Variants in EXOSC7 observed in about 807,000 individuals in gnomAD.
The protein encoded by EXOSC7 is exosome component 7, also known as exosome complex component RRP42.
A neutral mutation model predicts 34.3 loss-of-function variants in EXOSC7; 25 were observed. The observed-to-expected ratio is 0.73, with a 90% CI of 0.53 to 1.02. The LOEUF (loss-of-function observed/expected upper bound fraction) is 1.02, where lower values mean the gene tolerates loss of function less well. EXOSC7 is among the 50% of genes least tolerant of loss of function. The probability of loss-of-function intolerance (pLI) is 0.00; values close to 1 mark genes in which losing one functional copy is unlikely to be tolerated. For missense variants in EXOSC7, 370 were observed against 368.5 expected (o/e 1.00, Z -0.03); for synonymous variants, 130 against 143.0 (o/e 0.91, Z 0.65).
rs187746649 is a variant in EXOSC7 at position 44,976,688 on chromosome 3, G to T, written c.57+354G>T. 2.8e-4 allele frequency among the ~76,000 whole-genome samples: 43 copies of T among 152,362 alleles called. No individual in the cohort carries two copies. In the East Asian group the frequency reaches 7.3e-3, roughly 26 times the overall value. On this transcript the variant is annotated intron_variant, in intron 1 of 7. Transcript: ENST00000265564. ...CTCAGTTTTCTCTTCGAGGAAATGG[G>T]AGTTTGGAGGTGGGCTTCTGGCCTG... is the stretch of plus-strand genomic sequence containing the variant.
At chr3:45,007,328 G>A in intron 6 of EXOSC7, 92 bp from the exon 7 acceptor site, 1 of 1,346,734 alleles carries the variant, frequency 7.4e-7, no homozygotes, top group South Asian at 1.3e-5. Flanking sequence ...AAATACTTTT[G>A]CCTGGTGTAG....
At chr3:44,981,519 C>A (rs1274109260) in intron 1 of EXOSC7, among the ~76,000 whole-genome samples, 2 of 152,136 alleles carry the variant, frequency 1.3e-5, no homozygotes, top group Non-Finnish European at 2.9e-5. Flanking sequence ...ACCATCCACA[C>A]TAGATCCCCA....
chr3:45,010,775 G>A (rs1222053934), intron 7 of EXOSC7, among the ~76,000 whole-genome samples: 1 of 152,170 alleles, frequency 6.6e-6, no homozygotes, highest in African/African-American at 2.4e-5. Flanking sequence ...CTTCATGGGA[G>A]GTGAATGAGA....
chr3:44,986,428 G>A (rs964498792), intron 1 of EXOSC7, among the ~76,000 whole-genome samples: 43 of 152,256 alleles, frequency 2.8e-4, no homozygotes, highest in African/African-American at 6.5e-4. Context: ...CCCAGAACTC[G>A]CGCTGGCCCG....
At chr3:44,993,624 T>G (rs921717357) in intron 3 of EXOSC7, among the ~76,000 whole-genome samples, 2 of 152,090 alleles carry the variant, frequency 1.3e-5, no homozygotes, top group Non-Finnish European at 2.9e-5. Flanking sequence ...CTTAATTAGT[T>G]TATCCAGCTC....
chr3:45,004,681 C>G (rs1023356841), intron 5 of EXOSC7: 1 of 143,494 alleles, frequency 7.0e-6, no homozygotes, highest in African/African-American at 2.9e-5. Flanking sequence ...ATTGGCTACT[C>G]AGACAGCCTC....
At chr3:45,006,404 G>GTTT (rs545281987) in intron 6 of EXOSC7, among the ~76,000 whole-genome samples, 47 of 61,714 alleles carry the variant, frequency 7.6e-4, no homozygotes, top group Admixed American at 1.3e-3. Context: ...TTGTTTATTT[G>GTTT]TTTTTTTTTT....
At chr3:45,001,985 C>A (rs146407846) in intron 5 of EXOSC7, 1 of 209,498 alleles carries the variant, frequency 4.8e-6, no homozygotes. Flanking sequence ...TGCCTATATT[C>A]CTAGCACCAT....
At chr3:44,985,476 G>C (rs550496200) in intron 1 of EXOSC7, among the ~76,000 whole-genome samples, 55 of 152,038 alleles carry the variant, frequency 3.6e-4, no homozygotes, top group African/African-American at 1.3e-3. Context: ...TGGTGGGTTC[G>C]TGGTCTCGCT....
At chr3:44,994,466 T>C (rs1462810536) in intron 3 of EXOSC7, among the ~76,000 whole-genome samples, 1 of 152,022 alleles carries the variant, frequency 6.6e-6, no homozygotes, top group Non-Finnish European at 1.5e-5. Context: ...TTTGTTCAGA[T>C]ACATGTAGTA....
In EXOSC7 at chr3:45,011,263, A is replaced by G; in HGVS notation, c.800A>G (p.His267Arg). The G allele has an allele frequency of 6.2e-7, 1 of 1,613,438 alleles. No homozygotes were observed. Among genetic ancestry groups the G allele is most frequent in the Non-Finnish European group, 8.5e-7 (1 of 1,179,698 alleles). The change falls in exon 8 of 8, where the codon CAT becomes CGT. Residue 267 changes from histidine (H) to arginine (R), a missense_variant. His to Arg is a conservative substitution (Grantham distance 29). Around this residue, in one of 3 missense-constraint regions of EXOSC7, gnomAD observed 255 missense variants for 246.4 expected, o/e 1.03. Transcript: ENST00000265564. ...GGCAAGCGTGTGGGCAAGGTACTGC[A>G]TGCCTCCTTGCAGAGTGTTGTGCAC... ...ETGKRVGKVL[H>R]ASLQSVVHKE...
Position 44,994,274 on chromosome 3 carries a change from CCTT to C in EXOSC7, c.255-2809_255-2807del, listed in dbSNP as rs573724054. 2.7e-3 allele frequency among the ~76,000 whole-genome samples: 409 copies of C among 149,902 alleles called. 2 individuals carry two copies. The highest frequency in any genetic ancestry group is 9.1e-3 in the African/African-American group (376 of 41,192). ...AAAAAAAAAAAAAAGATAAGGTCTC[CCTT>C]CTTGTAAAATGAGAGAGTTAGACCA... is the stretch of plus-strand genomic sequence containing the variant. On this transcript the variant is annotated intron_variant, in intron 3 of 7. Transcript: ENST00000265564.
At chr3:45,006,819 C>T (rs1251069329) in intron 6 of EXOSC7, among the ~76,000 whole-genome samples, 1 of 121,260 alleles carries the variant, frequency 8.2e-6, no homozygotes, top group African/African-American at 3.2e-5. Flanking sequence ...CCCGGCTCAA[C>T]CTCAAGCAAC....
intron 1 of EXOSC7, among the ~76,000 whole-genome samples, chr3:44,976,801 T>A (rs1184032091): frequency 6.6e-6 from 1 of 151,476 alleles, no homozygotes; most frequent in Non-Finnish European, 1.5e-5. Context: ...GGGGGAAGGG[T>A]TTTTAAAAAG....
At chr3:45,008,233 T>A (rs1454365544) in intron 7 of EXOSC7, among the ~76,000 whole-genome samples, 1 of 152,214 alleles carries the variant, frequency 6.6e-6, no homozygotes, top group African/African-American at 2.4e-5. Flanking sequence ...CTTTCCCCTA[T>A]ATCCACCTCA....
intron 4 of EXOSC7, among the ~76,000 whole-genome samples, chr3:45,001,311 C>T (rs900494932): frequency 5.3e-5 from 8 of 151,836 alleles, no homozygotes; most frequent in African/African-American, 9.7e-5. Flanking sequence ...GGGGTGGTGG[C>T]GCACACGTGT....
chr3:44,977,400 T>A (rs1706106686), intron 1 of EXOSC7: 2 of 152,218 alleles, frequency 1.3e-5, no homozygotes, highest in Admixed American at 6.5e-5. Context: ...CGGCCAGCTA[T>A]CATTGAAGTC....
At chr3:44,989,263 C>G (rs1324897649) in intron 2 of EXOSC7, 22 bp downstream of exon 2, 1 of 1,564,404 alleles carries the variant, frequency 6.4e-7, no homozygotes, top group Non-Finnish European at 8.8e-7. Context: ...GACCATGGTT[C>G]AAGCCCAGGT....
At chr3:44,987,043 C>T (rs1000054948) in intron 1 of EXOSC7, among the ~76,000 whole-genome samples, 1 of 149,082 alleles carries the variant, frequency 6.7e-6, no homozygotes, top group Non-Finnish European at 1.5e-5. Flanking sequence ...TGAGAAGGAG[C>T]TCCATGAGCC....
Sources: gnomAD v4.1 joint callset for allele counts (sites outside exome capture counted in the v4.1 genomes callset) on GRCh38, gnomAD v4.1.1 for gene constraint, gnomAD v4.1.1 regional missense constraint, MANE v1.5 for transcripts, NCBI Gene and HGNC (gene_info 2026-07-23, HGNC 2026-07-21) for gene names.